The following TCF3 variants were observed in gnomAD, a reference collection of about 807,000 sequenced individuals.
TCF3 encodes the protein transcription factor E2-alpha.
In TCF3, 54 loss-of-function variants were observed where a neutral mutation model predicts 72.3. That is an observed-to-expected ratio of 0.75 (90% CI 0.60 to 0.94). The LOEUF is 0.94. TCF3 is among the 40% of genes least tolerant of loss of function. The pLI is 0.00. For synonymous variants in TCF3, 525 were observed against 412.6 expected, an observed-to-expected ratio of 1.27 and a Z score of -3.30; for missense variants, 1,078 against 934.4, an observed-to-expected ratio of 1.15 and a Z score of -2.00.
intron 2 of TCF3, among the ~76,000 whole-genome samples, chr19:1,647,211 G>A (rs962064643): frequency 8.1e-4 from 122 of 150,604 alleles, no homozygotes; most frequent in African/African-American, 2.7e-3. Flanking sequence ...AAAGATTAAC[G>A]GGCTCAGCGG....
intron 18 of TCF3, among the ~76,000 whole-genome samples, chr19:1,613,942 G>A (rs959806117): frequency 6.6e-5 from 10 of 152,254 alleles, no homozygotes; most frequent in African/African-American, 1.4e-4. Flanking sequence ...CTCTCCAGCC[G>A]AGCAGCATGC....
chr19:1,632,262 T>A, intron 4 of TCF3, 70 bp downstream of exon 4: 1 of 1,547,928 alleles, frequency 6.5e-7, no homozygotes, highest in Non-Finnish European at 8.7e-7. Flanking sequence ...AGCCTCAGTT[T>A]CCCCACACCC....
intron 3 of TCF3, among the ~76,000 whole-genome samples, chr19:1,637,344 C>T (rs1180078570): frequency 6.6e-6 from 1 of 152,196 alleles, no homozygotes; most frequent in East Asian, 1.9e-4. Flanking sequence ...TCCACCAGAA[C>T]CAGGGACAAC....
In TCF3 at chr19:1,625,566, C is replaced by T. The variant is rs761148750; in HGVS notation, c.499+10G>A. ...AGAAGCCCCCGATGCCCCGGCCAGA[C>T]CCCGCTCACCTAGGCTGCCGTCTGC... On this transcript the variant is annotated intron_variant, in intron 7 of 18. Transcript: ENST00000262965. 2 of 1,575,988 alleles carry T rather than the reference C, an allele frequency of 1.3e-6. No individual in the cohort carries two copies.
At chr19:1,630,272 T>C (rs1367881415) in intron 5 of TCF3, among the ~76,000 whole-genome samples, 2 of 152,138 alleles carry the variant, frequency 1.3e-5, no homozygotes, top group African/African-American at 4.8e-5. Context: ...GGGCCAGGCC[T>C]CACCTACCCC....
chr19:1,651,667 G>A (rs977604244), intron 1 of TCF3, among the ~76,000 whole-genome samples: 1 of 152,016 alleles, frequency 6.6e-6, no homozygotes, highest in Non-Finnish European at 1.5e-5. Flanking sequence ...TTTTCCCGGG[G>A]GGAGGCGGCC....
intron 9 of TCF3, 41 bp from the exon 10 acceptor site, chr19:1,622,264 C>A: frequency 6.6e-7 from 1 of 1,509,802 alleles, no homozygotes; most frequent in Non-Finnish European, 8.9e-7. Context: ...GAGTGGGGAA[C>A]CCCAGCCCTG....
rs899578151 is a variant in TCF3, at chr19:1,614,677, C to T, written c.1822+608G>A. Among the ~76,000 whole-genome samples the T allele has an allele frequency of 2.6e-5, 4 of 152,092 alleles. No homozygotes were observed. Among genetic ancestry groups the T allele is most frequent in the Non-Finnish European group, 5.9e-5 (4 of 68,014 alleles). ...GAAAGGAAGGAGTTAAGGAAGCAGC[C>T]GCCAGCGCCAGCGGGGGGAAGGAGT... On this transcript the variant is annotated intron_variant, in intron 18 of 18. Coordinates refer to ENST00000262965, the MANE Select transcript of TCF3 (RefSeq NM_003200.5). The surrounding 1 kb of genome is among the most constrained non-coding windows in gnomAD (Gnocchi z 5.6).
chr19:1,645,332 A>G (rs2065924731), intron 3 of TCF3, among the ~76,000 whole-genome samples: 1 of 152,090 alleles, frequency 6.6e-6, no homozygotes, highest in Non-Finnish European at 1.5e-5. Context: ...CTGAAGCAGC[A>G]TCGGGGGCAC....
chr19:1,646,248 C>T (rs1184004126), intron 3 of TCF3, 107 bp downstream of exon 3: 3 of 1,227,028 alleles, frequency 2.4e-6, no homozygotes, highest in Non-Finnish European at 1.1e-6. Flanking sequence ...GCCCTTTCCC[C>T]ATTGTCTCCC....
In TCF3 at chr19:1,625,682, G is replaced by A. The variant is rs1463910653; in HGVS notation, c.393C>T (p.Ala131=). 7 of 1,520,106 alleles carry A rather than the reference G, an allele frequency of 4.6e-6. No homozygotes were observed. Among genetic ancestry groups the A allele is most frequent in the South Asian group, 1.3e-5 (1 of 79,680 alleles). The allele number at this position is 1,520,106 out of a possible 1,614,324, so 94.2% of individuals were successfully genotyped here. ...GGGACAGGGGCCCGGGGCTGTTGAG[G>A]GCCAGCTCGCCTGACAGGAAGCCAG... is the stretch of plus-strand genomic sequence containing the variant. ...TQAGFLSGEL[A]LNSPGPLSPS... is the part of the protein sequence containing the mutation. The change falls in exon 7 of 19, where the codon GCC becomes GCT. Residue 131 remains alanine (A), a synonymous_variant. Coordinates refer to ENST00000262965, the MANE Select transcript of TCF3 (RefSeq NM_003200.5).
At chr19:1,640,310 A>C (rs1223655731) in intron 3 of TCF3, among the ~76,000 whole-genome samples, 14 of 145,920 alleles carry the variant, frequency 9.6e-5, no homozygotes, top group East Asian at 4.0e-4. Context: ...CCGAGGCGGG[A>C]GGATCACCAG....
chr19:1,611,279 A>G lies in TCF3; in HGVS notation c.*428T>C. ...TTCCACAGCATCCCCCTTGAGTGAT[A>G]TGTTTCCATTTCTCCGCTTTTTATA... On this transcript the variant is annotated 3_prime_UTR_variant, in exon 19 of 19. Coordinates refer to ENST00000262965, the MANE Select transcript of TCF3 (RefSeq NM_003200.5). 2 of 336,238 alleles carry G rather than the reference A, an allele frequency of 5.9e-6. No individual in the cohort carries two copies. Among genetic ancestry groups the G allele is most frequent in the Non-Finnish European group, 1.1e-5 (2 of 186,806 alleles). The allele number at this position is 336,238 out of a possible 1,614,324, so 20.8% of individuals were successfully genotyped here.
At chr19:1,650,413 C>T in intron 1 of TCF3, 126 bp from the exon 2 acceptor site, 1 of 668,934 alleles carries the variant, frequency 1.5e-6, no homozygotes, top group Non-Finnish European at 2.5e-6. Context: ...GGTCTGAGTT[C>T]CAGCAGAGCC....
rs2067290887 is a variant in TCF3 at position 1,652,613 on chromosome 19, T to C, written c.-353A>G. The C allele has an allele frequency of 6.9e-6, 1 of 145,822 alleles. No individual in the cohort carries two copies. Among genetic ancestry groups the C allele is most frequent in the African/African-American group, 2.5e-5 (1 of 39,946 alleles). 9.0% of individuals were successfully genotyped at this position (145,822 alleles called of 1,614,324 possible). On this transcript the variant is annotated 5_prime_UTR_variant, in exon 1 of 19. Transcript: ENST00000262965. ...CATCTTCCTGCGGCGGGAGACATGT[T>C]CCGCCCCCCGCCCGCGCCGCCCCGC...
chr19:1,614,117 T>C lies in TCF3; in HGVS notation c.1822+1168A>G, dbSNP rs951283679. ...GGGCACCCACTGCTCTAGGTTGTGGTGAAGATGAAATGGGTGAAGGTCTGG... is the reference window on the plus strand; with the variant it reads ...GGGCACCCACTGCTCTAGGTTGTGGCGAAGATGAAATGGGTGAAGGTCTGG... On this transcript the variant is annotated intron_variant, in intron 18 of 18. Transcript: ENST00000262965. The surrounding 1 kb of genome is among the most constrained non-coding windows in gnomAD (Gnocchi z 5.6). 4.6e-5 allele frequency among the ~76,000 whole-genome samples: 7 copies of C among 152,094 alleles called. No individual in the cohort carries two copies. Among genetic ancestry groups the C allele is most frequent in the African/African-American group, 1.7e-4 (7 of 41,392 alleles).
intron 2 of TCF3, among the ~76,000 whole-genome samples, chr19:1,647,751 CCAA>C (rs1405013025): frequency 6.6e-6 from 1 of 152,210 alleles, no homozygotes. Context: ...CAGGGCTGCA[CCAA>C]CGTGCCACAG....
chr19:1,620,908 T>G, intron 13 of TCF3, 60 bp downstream of exon 13: 4 of 1,325,428 alleles, frequency 3.0e-6, no homozygotes, highest in Non-Finnish European at 3.9e-6. Flanking sequence ...GACCTCAGCC[T>G]CCCCTCCCCC....
At chr19:1,629,615 T>TGATGCGGTGACACCTGGATCC (rs1412685016) in intron 5 of TCF3, among the ~76,000 whole-genome samples, 1 of 152,104 alleles carries the variant, frequency 6.6e-6, no homozygotes, top group East Asian at 1.9e-4. Context: ...GGCCTGGGGC[T>TGATGCGGTGACACCTGGATCC]GATGCGGTGA....
Sources: allele counts gnomAD v4.1 joint callset (sites outside exome capture counted in the v4.1 genomes callset), GRCh38; gene constraint gnomAD v4.1.1; non-coding constraint Gnocchi (gnomAD v3.1); transcripts MANE v1.5; gene names NCBI Gene and HGNC (gene_info 2026-07-23, HGNC 2026-07-21).